Variants in PPIC observed in about 807,000 individuals in gnomAD.
PPIC encodes the protein peptidylprolyl isomerase C.
In PPIC, 19 loss-of-function variants were observed where a neutral mutation model predicts 19.5. The observed-to-expected ratio is 0.98, with a 90% confidence interval of 0.68 to 1.43. PPIC has a LOEUF of 1.43. Ranked by LOEUF, PPIC falls within the 40% of genes most tolerant of loss-of-function variation. The probability of loss-of-function intolerance (pLI) is 0.00; values close to 1 mark genes in which losing one functional copy is unlikely to be tolerated. For synonymous variants in PPIC, 107 were observed against 101.2 expected, an observed-to-expected ratio of 1.06 and a Z score of -0.34; for missense variants, 268 against 268.6, an observed-to-expected ratio of 1.00 and a Z score of 0.02.
rs371895060 is a variant in PPIC at position 123,035,751 on chromosome 5, T to C, written c.117+758A>G. On this transcript the variant is annotated intron_variant, in intron 1 of 4. Transcript: ENST00000306442. ...GCATTCTCCCATTATCGTCTACCCT[T>C]GGTTAAATACGCTGAAAAAAGAACT... 9.0e-4 allele frequency among the ~76,000 whole-genome samples: 137 copies of C among 152,276 alleles called. 1 individual carries two copies. Among genetic ancestry groups the C allele is most frequent in the African/African-American group, 3.1e-3 (127 of 41,558 alleles).
Position 123,036,102 on chromosome 5 carries a change from C to G in PPIC, c.117+407G>C, listed in dbSNP as rs1310805100. Among the ~76,000 whole-genome samples the G allele has an allele frequency of 6.6e-6, 1 of 152,118 alleles. No homozygotes were observed. Among genetic ancestry groups the G allele is most frequent in the East Asian group, 1.9e-4 (1 of 5,150 alleles). On this transcript the variant is annotated intron_variant, in intron 1 of 4. Coordinates refer to ENST00000306442, the MANE Select transcript of PPIC (RefSeq NM_000943.5). The surrounding 1 kb of genome is among the most constrained non-coding windows in gnomAD (Gnocchi z 4.5). ...CTGGGCTCCGAGCGCCTCTCCTGTG[C>G]GGGTCCCGCCCCCCTCCCCGCATTC... is the stretch of plus-strand genomic sequence containing the variant.
In PPIC at chr5:123,036,397, G is replaced by T; in HGVS notation, c.117+112C>A. 9.9e-7 allele frequency: 1 copy of T among 1,007,628 alleles called. No individual in the cohort carries two copies. Among genetic ancestry groups the T allele is most frequent in the Non-Finnish European group, 1.5e-6 (1 of 670,536 alleles). The allele number at this position is 1,007,628 out of a possible 1,614,324, so 62.4% of individuals were successfully genotyped here. ...TCCCGCGGCCGCCTCCAGTCCCCCT[G>T]CGCCCGGGAAGCCTCCACCTCGCCC... On this transcript the variant is annotated intron_variant, in intron 1 of 4. Coordinates refer to ENST00000306442, the MANE Select transcript of PPIC (RefSeq NM_000943.5). This position sits in a 1 kb window ranked among gnomAD's most constrained non-coding sequence, Gnocchi z 4.5.
Position 123,023,843 on chromosome 5 carries a change from C to A in PPIC, c.*32G>T, listed in dbSNP as rs966611319. The A allele has an allele frequency of 1.2e-6, 2 of 1,607,130 alleles. No individual in the cohort carries two copies. The highest frequency in any genetic ancestry group is 4.5e-5 in the East Asian group (2 of 44,672). On this transcript the variant is annotated 3_prime_UTR_variant, in exon 5 of 5. Coordinates refer to ENST00000306442, the MANE Select transcript of PPIC (RefSeq NM_000943.5). ...ACACACACACACACACACACCCCTGCCAAAGCATATCCTTGTTTTCTGCCA... is the reference window on the plus strand; with the variant it reads ...ACACACACACACACACACACCCCTGACAAAGCATATCCTTGTTTTCTGCCA...
At chr5:123,031,519 C>T (rs546509004) in intron 1 of PPIC, among the ~76,000 whole-genome samples, 2 of 152,128 alleles carry the variant, frequency 1.3e-5, no homozygotes, top group African/African-American at 2.4e-5. Flanking sequence ...GCAAAGCTGC[C>T]CTTCTGACCA....
chr5:123,029,621 A>G (rs1487392121), intron 1 of PPIC, among the ~76,000 whole-genome samples: 2 of 152,234 alleles, frequency 1.3e-5, no homozygotes, highest in Non-Finnish European at 2.9e-5. Flanking sequence ...TTCAAGAAAC[A>G]TTTATTAAGC....
intron 3 of PPIC, among the ~76,000 whole-genome samples, chr5:123,026,446 C>T (rs1762855083): frequency 6.6e-6 from 1 of 152,194 alleles, no homozygotes; most frequent in Admixed American, 6.5e-5. Context: ...TCAATATATA[C>T]CCACACCGAA....
chr5:123,028,971 G>T, intron 2 of PPIC, 103 bp from the exon 3 acceptor site: 1 of 1,058,790 alleles, frequency 9.4e-7, no homozygotes, highest in Non-Finnish European at 1.4e-6. Flanking sequence ...TAAACAAAAT[G>T]CCTACAGAAC....
intron 1 of PPIC, among the ~76,000 whole-genome samples, chr5:123,032,498 A>G (rs1453961932): frequency 3.3e-5 from 5 of 152,150 alleles, no homozygotes; most frequent in Admixed American, 6.5e-5. Context: ...AAAAGATTCA[A>G]TGTCAAATGA....
chr5:123,036,404 G>A lies in PPIC; in HGVS notation c.117+105C>T, dbSNP rs945488107. On this transcript the variant is annotated intron_variant, in intron 1 of 4. Coordinates refer to ENST00000306442, the MANE Select transcript of PPIC (RefSeq NM_000943.5). This position sits in a 1 kb window ranked among gnomAD's most constrained non-coding sequence, Gnocchi z 4.5. ...GCCGCCTCCAGTCCCCCTGCGCCCG[G>A]GAAGCCTCCACCTCGCCCGCCCTGA... 8.4e-5 allele frequency: 91 copies of A among 1,077,134 alleles called. No homozygotes were observed. Among genetic ancestry groups the A allele is most frequent in the Admixed American group, 4.0e-5 (2 of 49,936 alleles). The allele number at this position is 1,077,134 out of a possible 1,614,324, so 66.7% of individuals were successfully genotyped here. A position where few individuals can be genotyped will look rare whatever the true frequency, so the allele number is the denominator to read the frequency against.
rs375305758 is a variant in PPIC at position 123,036,609 on chromosome 5, C to T, written c.17G>A (p.Arg6Gln). 14 of 1,591,148 alleles carry T rather than the reference C, an allele frequency of 8.8e-6. No individual in the cohort carries two copies. Among genetic ancestry groups the T allele is most frequent in the Admixed American group, 7.1e-5 (4 of 56,504 alleles). ...GCAAAGCACGAGAGGTAGCAGCAGCCGAGGACCCGGGCCCATGGTGAGCGG... is the reference window on the plus strand; with the variant it reads ...GCAAAGCACGAGAGGTAGCAGCAGCTGAGGACCCGGGCCCATGGTGAGCGG... MGPGP[R>Q]LLLPLVLCVG... Residue 6 changes from arginine to glutamine, a missense_variant, in exon 1 of 5, where the codon CGG becomes CAG. Physicochemically the swap from Arg to Gln is conservative, Grantham distance 43. Transcript: ENST00000306442. The surrounding 1 kb of genome is among the most constrained non-coding windows in gnomAD (Gnocchi z 4.5).
At position 123,036,724 on chromosome 5, in the gene PPIC, G is replaced by T; in HGVS notation, c.-99C>A. ...ACGGGACTGCCGGCCGGCTGCGCCT[G>T]CGCGCTCCCGGTTGCGGGGGATGGG... On this transcript the variant is annotated 5_prime_UTR_variant, in exon 1 of 5. Transcript: ENST00000306442. The surrounding 1 kb of genome is among the most constrained non-coding windows in gnomAD (Gnocchi z 4.5). 9.6e-7 allele frequency: 1 copy of T among 1,036,856 alleles called. No homozygotes were observed. The highest frequency in any genetic ancestry group is 1.4e-6 in the Non-Finnish European group (1 of 721,718). The allele number at this position is 1,036,856 out of a possible 1,614,324, so 64.2% of individuals were successfully genotyped here. A position where few individuals can be genotyped will look rare whatever the true frequency, so the allele number is the denominator to read the frequency against.
intron 1 of PPIC, among the ~76,000 whole-genome samples, chr5:123,032,667 G>A (rs540338638): frequency 6.6e-6 from 1 of 152,228 alleles, no homozygotes; most frequent in Admixed American, 6.5e-5. Context: ...GTGGGGTGGG[G>A]CTACAAAGCT....
Position 123,023,682 on chromosome 5 carries a change from A to C in PPIC, c.*193T>G. 2 of 790,984 alleles carry C rather than the reference A, an allele frequency of 2.5e-6. No homozygotes were observed. Among genetic ancestry groups the C allele is most frequent in the Non-Finnish European group, 3.5e-6 (2 of 575,950 alleles). The allele number at this position is 790,984 out of a possible 1,614,324, so 49.0% of individuals were successfully genotyped here. ...ATATTTAAGTTCAAAGTCCCTAAGC[A>C]GGTGGTTTACTAAAGTTCAAGCAAA... On this transcript the variant is annotated 3_prime_UTR_variant, in exon 5 of 5. Coordinates refer to ENST00000306442, the MANE Select transcript of PPIC (RefSeq NM_000943.5).
Position 123,023,790 on chromosome 5 carries a change from T to G in PPIC, c.*85A>C. Reference sequence around the variant, plus strand: ...AAGAAAGTAAAAAAAAAAAAGCAAATAATTGAAAGACAACACAACACACAC... The same window carrying G: ...AAGAAAGTAAAAAAAAAAAAGCAAAGAATTGAAAGACAACACAACACACAC... On this transcript the variant is annotated 3_prime_UTR_variant, in exon 5 of 5. Coordinates refer to ENST00000306442, the MANE Select transcript of PPIC (RefSeq NM_000943.5). The G allele has an allele frequency of 1.5e-6, 2 of 1,302,440 alleles. No homozygotes were observed. Among genetic ancestry groups the G allele is most frequent in the Non-Finnish European group, 2.0e-6 (2 of 997,638 alleles). 80.7% of individuals were successfully genotyped at this position (1,302,440 alleles called of 1,614,324 possible).
At position 123,036,124 on chromosome 5, in the gene PPIC, A is replaced by T; in HGVS notation, c.117+385T>A. ...GTGCGGGTCCCGCCCCCCTCCCCGC[A>T]TTCCTCTCGTTCTGCTCCCGAGCCC... is the stretch of plus-strand genomic sequence containing the variant. On this transcript the variant is annotated intron_variant, in intron 1 of 4. Coordinates refer to ENST00000306442, the MANE Select transcript of PPIC (RefSeq NM_000943.5). This position sits in a 1 kb window ranked among gnomAD's most constrained non-coding sequence, Gnocchi z 4.5. 5.4e-6 allele frequency: 1 copy of T among 184,468 alleles called. No homozygotes were observed. Among genetic ancestry groups the T allele is most frequent in the Non-Finnish European group, 1.1e-5 (1 of 89,168 alleles). The allele number at this position is 184,468 out of a possible 1,614,324, so 11.4% of individuals were successfully genotyped here.
In PPIC at chr5:123,036,513, G is replaced by T; in HGVS notation, c.113C>A (p.Ala38Asp). The stretch of plus-strand genomic sequence containing the variant: ...CAGCCCGCCGCTCTCGGTCACCTTG[G>T]CCGTCACCGAGGGGCCTCGCTTGCG... ...GFRKRGPSVT[A>D]KVFFDVRIGD... Residue 38 changes from alanine to aspartate, a missense_variant, in exon 1 of 5, where the codon GCC (alanine) becomes GAC (aspartate). By Grantham distance (126) the Ala-to-Asp change is moderately radical (BLOSUM62 -2). Coordinates refer to ENST00000306442, the MANE Select transcript of PPIC (RefSeq NM_000943.5). This position sits in a 1 kb window ranked among gnomAD's most constrained non-coding sequence, Gnocchi z 4.5. 1 of 1,606,056 alleles carries T rather than the reference G, an allele frequency of 6.2e-7. No individual in the cohort carries two copies.
At position 123,025,857 on chromosome 5, in the gene PPIC, A is replaced by C; in HGVS notation, c.437T>G (p.Phe146Cys). 6.2e-7 allele frequency: 1 copy of C among 1,614,180 alleles called. No homozygotes were observed. Among genetic ancestry groups the C allele is most frequent in the African/African-American group, 1.3e-5 (1 of 75,044 alleles). Reference protein sequence around the residue: ...NAGPDTNGSQFFITLTKPTWL... With the variant: ...NAGPDTNGSQCFITLTKPTWL... ...GGTGGGCTTGGTCAAGGTGATAAAG[A>C]ACTGAGAGCCATTGGTGTCAGGCCC... is the stretch of plus-strand genomic sequence containing the variant. The change falls in exon 4 of 5, where the codon TTC (phenylalanine) becomes TGC (cysteine). Residue 146 changes from phenylalanine to cysteine, a missense_variant. By Grantham distance (205) the Phe-to-Cys change is radical. Transcript: ENST00000306442.
chr5:123,027,587 G>A (rs955763130), intron 3 of PPIC, among the ~76,000 whole-genome samples: 5 of 152,158 alleles, frequency 3.3e-5, no homozygotes, highest in Non-Finnish European at 1.5e-5. Flanking sequence ...CTCCACTCCA[G>A]TCTACATCCC....
intron 3 of PPIC, among the ~76,000 whole-genome samples, chr5:123,028,221 CAT>C (rs1253234285): frequency 1.3e-5 from 2 of 152,180 alleles, no homozygotes; most frequent in Admixed American, 6.5e-5. Flanking sequence ...AATGAAAACA[CAT>C]AGCCAGGAGT....
Sources: gnomAD v4.1 joint callset for allele counts (sites outside exome capture counted in the v4.1 genomes callset) on GRCh38, gnomAD v4.1.1 for gene constraint, Gnocchi (gnomAD v3.1) non-coding constraint, MANE v1.5 for transcripts, NCBI Gene and HGNC (gene_info 2026-07-23, HGNC 2026-07-21) for gene names.